The following MMEL1 variants were observed in gnomAD, a reference collection of about 807,000 sequenced individuals.
MMEL1 encodes membrane metalloendopeptidase like 1.
Under a neutral mutation model 117.1 loss-of-function variants are expected in MMEL1, and 98 were observed. That is an observed-to-expected ratio of 0.84 (90% CI 0.71 to 0.99). The LOEUF is 0.99. Among genes scored for constraint, MMEL1 ranks in the 50% least tolerant of loss-of-function variants. MMEL1 has a pLI of 0.00. For missense variants in MMEL1, 1,014 were observed against 1,049.1 expected (o/e 0.97, Z 0.46); for synonymous variants, 390 against 415.1 (o/e 0.94, Z 0.74).
Position 2,604,141 on chromosome 1 carries a change from C to CCCCAAACA in MMEL1, c.951+5_951+6insTGTTTGGG. On this transcript the variant is annotated splice_donor_region_variant and intron_variant, in intron 10 of 23. Transcript: ENST00000378412. ...GCCCGCTCCCCACCCGCCCCGGCCCCCTTACCTTGGCCAGCTGTGTCTCCA... is the reference window on the plus strand; with the variant it reads ...GCCCGCTCCCCACCCGCCCCGGCCCCCCCAAACACTTACCTTGGCCAGCTGTGTCTCCA... 1 of 1,599,330 alleles carries CCCCAAACA rather than the reference C, an allele frequency of 6.3e-7. No homozygotes were observed. The highest frequency in any genetic ancestry group is 8.5e-7 in the Non-Finnish European group (1 of 1,169,818).
In MMEL1 at chr1:2,624,205, G is replaced by A. The variant is rs561024403; in HGVS notation, c.154+5126C>T. Among the ~76,000 whole-genome samples the A allele has an allele frequency of 3.2e-4, 48 of 152,316 alleles. No homozygotes were observed. In the South Asian group the frequency reaches 9.9e-3, roughly 32 times the overall value. On this transcript the variant is annotated intron_variant, in intron 2 of 23. Transcript: ENST00000378412. ...CACTCACAGAAGGACCAGGGCTTGG[G>A]GAGGATGCCCTCTGTGTCATAGGCA...
chr1:2,625,294 G>C (rs1265442328), intron 2 of MMEL1, among the ~76,000 whole-genome samples: 1 of 152,208 alleles, frequency 6.6e-6, no homozygotes, highest in Non-Finnish European at 1.5e-5. Context: ...GGGCCTGTTT[G>C]GATTCTGGAG....
intron 11 of MMEL1, among the ~76,000 whole-genome samples, chr1:2,602,348 A>G (rs889944235): frequency 6.6e-6 from 1 of 152,014 alleles, no homozygotes; most frequent in Non-Finnish European, 1.5e-5. Context: ...TTGTAAACCA[A>G]ATGTCCCCAA....
At position 2,596,032 on chromosome 1, in the gene MMEL1, A is replaced by G; in HGVS notation, c.1477T>C (p.Ser493Pro). 6.2e-7 allele frequency: 1 copy of G among 1,612,212 alleles called. No individual in the cohort carries two copies. The highest frequency in any genetic ancestry group is 8.5e-7 in the Non-Finnish European group (1 of 1,179,520). ...LDELGWMDEESKKKAQEKAMS... is the reference protein window; with the variant it reads ...LDELGWMDEEPKKKAQEKAMS... ...ACCTTCTCCTGCGCCTTCTTCTTGG[A>G]CTCCTCGTCCATCCAGCCCAGCTCG... Residue 493 changes from serine to proline, a missense_variant, in exon 15 of 24, where the codon TCC (serine) becomes CCC (proline). Coordinates refer to ENST00000378412, the MANE Select transcript of MMEL1 (RefSeq NM_033467.4).
chr1:2,610,252 C>T (rs1436175361), intron 4 of MMEL1, among the ~76,000 whole-genome samples: 1 of 152,168 alleles, frequency 6.6e-6, no homozygotes, highest in Non-Finnish European at 1.5e-5. Context: ...CTGTGTTGCC[C>T]AGGCTGGTCT....
At chr1:2,621,973 G>C (rs540475077) in intron 2 of MMEL1, among the ~76,000 whole-genome samples, 1 of 152,116 alleles carries the variant, frequency 6.6e-6, no homozygotes, top group African/African-American at 2.4e-5. Flanking sequence ...GCTGTGTCAC[G>C]GGCCATTGGT....
chr1:2,602,566 G>A (rs977410700), intron 11 of MMEL1, among the ~76,000 whole-genome samples: 1 of 152,180 alleles, frequency 6.6e-6, no homozygotes, highest in Admixed American at 6.5e-5. Flanking sequence ...GGCAGCCTCT[G>A]ATTGGCTTCT....
In MMEL1 at chr1:2,595,003, C is replaced by A; in HGVS notation, c.1585-110G>T. On this transcript the variant is annotated intron_variant, in intron 16 of 23. Coordinates refer to ENST00000378412, the MANE Select transcript of MMEL1 (RefSeq NM_033467.4). The surrounding 1 kb of genome is among the most constrained non-coding windows in gnomAD (Gnocchi z 4.8). The stretch of plus-strand genomic sequence containing the variant: ...GACCTCAAGCCTTGCCAGGCGTCCG[C>A]ACGTGGACAGTCGGCTGTGGGTGCA... The A allele has an allele frequency of 1.1e-6, 1 of 903,924 alleles. No individual in the cohort carries two copies. The allele number at this position is 903,924 out of a possible 1,614,324, so 56.0% of individuals were successfully genotyped here. A position where few individuals can be genotyped will look rare whatever the true frequency, so the allele number is the denominator to read the frequency against.
Position 2,629,319 on chromosome 1 carries a change from A to C in MMEL1, c.154+12T>G. 6.6e-7 allele frequency: 1 copy of C among 1,523,432 alleles called. No individual in the cohort carries two copies. The highest frequency in any genetic ancestry group is 2.5e-5 in the East Asian group (1 of 39,586). The allele number at this position is 1,523,432 out of a possible 1,614,324, so 94.4% of individuals were successfully genotyped here. On this transcript the variant is annotated intron_variant, in intron 2 of 23. Coordinates refer to ENST00000378412, the MANE Select transcript of MMEL1 (RefSeq NM_033467.4). Reference sequence around the variant, plus strand: ...GCACGGGGACAGGCGGGGGCGGGGCACCCGCACTCACCTCTGCGGTCGGCG... The same window carrying C: ...GCACGGGGACAGGCGGGGGCGGGGCCCCCGCACTCACCTCTGCGGTCGGCG...
chr1:2,621,689 G>A (rs560270375), intron 2 of MMEL1, among the ~76,000 whole-genome samples: 10 of 151,964 alleles, frequency 6.6e-5, no homozygotes, highest in East Asian at 1.9e-4. Flanking sequence ...TCAGCCTCCC[G>A]AGTAGCTGGG....
At chr1:2,597,515 C>A (rs971077486) in intron 13 of MMEL1, among the ~76,000 whole-genome samples, 20 of 152,142 alleles carry the variant, frequency 1.3e-4, no homozygotes, top group African/African-American at 3.6e-4. Flanking sequence ...TCCCCTGCGT[C>A]TGTGTGTCTG....
chr1:2,622,133 G>T (rs1488489317), intron 2 of MMEL1, among the ~76,000 whole-genome samples: 1 of 152,064 alleles, frequency 6.6e-6, no homozygotes, highest in Non-Finnish European at 1.5e-5. Flanking sequence ...CTGTTTTTAA[G>T]CCACCTGAGC....
Position 2,612,061 on chromosome 1 carries a change from C to T in MMEL1, c.232+66G>A, listed in dbSNP as rs1287175584. On this transcript the variant is annotated intron_variant, in intron 3 of 23. Transcript: ENST00000378412. This position sits in a 1 kb window ranked among gnomAD's most constrained non-coding sequence, Gnocchi z 5.4. ...CCCAGCCCCTGCCCCTCCACGGAGT[C>T]CCCCCACCTTGGGAGGCCAGCGCCC... is the stretch of plus-strand genomic sequence containing the variant. 3.7e-6 allele frequency: 5 copies of T among 1,364,938 alleles called. No homozygotes were observed. The highest frequency in any genetic ancestry group is 5.1e-6 in the Non-Finnish European group (5 of 976,862). The allele number at this position is 1,364,938 out of a possible 1,614,324, so 84.6% of individuals were successfully genotyped here.
In MMEL1 at chr1:2,592,044, G is replaced by A. The variant is rs1324958002; in HGVS notation, c.2068-17C>T. 1.2e-6 allele frequency: 2 copies of A among 1,607,952 alleles called. No individual in the cohort carries two copies. The highest frequency in any genetic ancestry group is 1.7e-5 in the Admixed American group (1 of 59,930). On this transcript the variant is annotated splice_polypyrimidine_tract_variant and intron_variant, in intron 21 of 23. Transcript: ENST00000378412. ...GAGGTAGGCCTGCAGGCACCAGACA[G>A]GAGCTGAGCTCAGGCCTGCCAGCCT...
intron 2 of MMEL1, among the ~76,000 whole-genome samples, chr1:2,626,317 G>A (rs1218320021): frequency 5.9e-5 from 9 of 152,162 alleles, no homozygotes; most frequent in African/African-American, 1.9e-4. Flanking sequence ...ATCTGATAAT[G>A]CCTCCTCATG....
At chr1:2,603,808 T>G in intron 11 of MMEL1, 76 bp downstream of exon 11, 1 of 1,388,038 alleles carries the variant, frequency 7.2e-7, no homozygotes, top group South Asian at 1.2e-5. Context: ...CAACGTGCCC[T>G]CTCAGAGGGC....
At chr1:2,596,495 G>A in intron 14 of MMEL1, 66 bp downstream of exon 14, 1 of 1,577,454 alleles carries the variant, frequency 6.3e-7, no homozygotes, top group Non-Finnish European at 8.6e-7. Context: ...GGAGTCTCAG[G>A]GCAGGGAGGC....
In MMEL1 at chr1:2,606,239, G is replaced by A. The variant is rs759883569; in HGVS notation, c.750+9C>T. ...CCTGCCTACCCCTGCCCACCGGCGC[G>A]GCTCGTACGTAGATGATGTGCCGGC... On this transcript the variant is annotated intron_variant, in intron 8 of 23. Coordinates refer to ENST00000378412, the MANE Select transcript of MMEL1 (RefSeq NM_033467.4). 20 of 1,610,100 alleles carry A rather than the reference G, an allele frequency of 1.2e-5. 1 individual carries two copies. Among genetic ancestry groups the A allele is most frequent in the South Asian group, 5.5e-5 (5 of 91,022 alleles).
chr1:2,631,821 G>T (rs1277365264), intron 1 of MMEL1, among the ~76,000 whole-genome samples: 1 of 152,114 alleles, frequency 6.6e-6, no homozygotes, highest in Non-Finnish European at 1.5e-5. Flanking sequence ...GCCCATCTCA[G>T]TCGGACCCTT....
Sources: allele counts gnomAD v4.1 joint callset (sites outside exome capture counted in the v4.1 genomes callset), GRCh38; gene constraint gnomAD v4.1.1; non-coding constraint Gnocchi (gnomAD v3.1); transcripts MANE v1.5; gene names NCBI Gene and HGNC (gene_info 2026-07-23, HGNC 2026-07-21).